The following PNMA2 variants were observed in gnomAD, a reference collection of about 807,000 sequenced individuals.
The protein encoded by PNMA2 is PNMA family member 2.
For synonymous variants in PNMA2, 175 were observed against 183.5 expected (o/e 0.95, Z 0.38); for missense variants, 455 against 452.9 (o/e 1.00, Z -0.04).
chr8:26,508,648 C>T lies in PNMA2; in HGVS notation c.108G>A (p.Gln36=), dbSNP rs1019809417. ...IPADFEEAEI[Q]EVLQETLKSL... ...ACTTTAAAGTCTCCTGAAGGACCTC[C>T]TGAATCTCAGCCTCCTCAAAGTCCG... Residue 36 remains glutamine, a synonymous_variant, in exon 3 of 3, where the codon CAG becomes CAA. Transcript: ENST00000522362. This position sits in a 1 kb window ranked among gnomAD's most constrained non-coding sequence, Gnocchi z 5.5. The T allele has an allele frequency of 6.2e-7, 1 of 1,614,206 alleles. No individual in the cohort carries two copies. The highest frequency in any genetic ancestry group is 1.3e-5 in the African/African-American group (1 of 75,052).
In PNMA2 at chr8:26,508,214, A is replaced by G. The variant is rs1297614270; in HGVS notation, c.542T>C (p.Phe181Ser). Residue 181 changes from phenylalanine (F) to serine (S), a missense_variant, in exon 3 of 3, where the codon TTT becomes TCT. Transcript: ENST00000522362. This position sits in a 1 kb window ranked among gnomAD's most constrained non-coding sequence, Gnocchi z 5.5. ...CGTGGCCTGTTCCAACCAGACCTCA[A>G]AGGACTCTTCCTCTGGGGCTGGGAC... ...SAVPAPEEES[F>S]EVWLEQATEI... 3.1e-6 allele frequency: 5 copies of G among 1,610,298 alleles called. No homozygotes were observed. In the East Asian group the frequency reaches 1.1e-4, roughly 36 times the overall value.
At chr8:26,511,203 G>T (rs1300255131) in intron 1 of PNMA2, among the ~76,000 whole-genome samples, 2 of 151,100 alleles carry the variant, frequency 1.3e-5, no homozygotes, top group African/African-American at 4.9e-5. Context: ...AGTTACTGCT[G>T]CGGAGTGTGT....
Position 26,507,819 on chromosome 8 carries a change from T to A in PNMA2, c.937A>T (p.Arg313Trp). The A allele has an allele frequency of 6.2e-7, 1 of 1,613,790 alleles. No homozygotes were observed. The highest frequency in any genetic ancestry group is 1.1e-5 in the South Asian group (1 of 91,030). Reference sequence around the variant, plus strand: ...GGCGGGCCCTGATCCTTCAGCTCCCTAAGCCGGCACCACAGCATCTGGTTA... The same window carrying A: ...GGCGGGCCCTGATCCTTCAGCTCCCAAAGCCGGCACCACAGCATCTGGTTA... ...TLNQMLWCRL[R>W]ELKDQGPPPS... Residue 313 changes from arginine (R) to tryptophan (W), a missense_variant, in exon 3 of 3, where the codon AGG becomes TGG. Physicochemically the swap from Arg to Trp is moderately radical, Grantham distance 101 (BLOSUM62 -3). Coordinates refer to ENST00000522362, the MANE Select transcript of PNMA2 (RefSeq NM_007257.6).
Position 26,506,373 on chromosome 8 carries a change from C to A in PNMA2, c.*1288G>T, listed in dbSNP as rs1200187554. 6.6e-5 allele frequency: 10 copies of A among 152,300 alleles called. No homozygotes were observed. Among genetic ancestry groups the A allele is most frequent in the Non-Finnish European group, 1.5e-4 (10 of 68,100 alleles). 9.4% of individuals were successfully genotyped at this position (152,300 alleles called of 1,614,324 possible). On this transcript the variant is annotated 3_prime_UTR_variant, in exon 3 of 3. Coordinates refer to ENST00000522362, the MANE Select transcript of PNMA2 (RefSeq NM_007257.6). The surrounding 1 kb of genome is among the most constrained non-coding windows in gnomAD (Gnocchi z 4.4). ...CCACTAAAAGCCTTCTCTAAGCAAA[C>A]CAGCCTGCTCACTAAATCCAAACCT...
chr8:26,513,752 G>C (rs1292658234), intron 1 of PNMA2, 64 bp downstream of exon 1: 1 of 152,746 alleles, frequency 6.5e-6, no homozygotes, highest in Non-Finnish European at 1.5e-5. Flanking sequence ...GTGGAGGAGA[G>C]GGGCACTGGG....
chr8:26,512,946 C>T (rs1338856861), intron 1 of PNMA2: 1 of 152,274 alleles, frequency 6.6e-6, no homozygotes, highest in Non-Finnish European at 1.5e-5. Flanking sequence ...TCCTACTCCG[C>T]ACCAGATGCG....
chr8:26,510,309 C>G (rs1585479314), intron 1 of PNMA2, among the ~76,000 whole-genome samples: 1 of 152,364 alleles, frequency 6.6e-6, no homozygotes, highest in East Asian at 1.9e-4. Context: ...CACCATACTT[C>G]TTGTACAGCC....
At chr8:26,511,006 T>G (rs893059708) in intron 1 of PNMA2, among the ~76,000 whole-genome samples, 3 of 152,008 alleles carry the variant, frequency 2.0e-5, no homozygotes, top group African/African-American at 7.2e-5. Context: ...ACAAAAATTA[T>G]CTGGGTGTGG....
chr8:26,507,881 T>A lies in PNMA2; in HGVS notation c.875A>T (p.Gln292Leu). 1 of 1,614,210 alleles carries A rather than the reference T, an allele frequency of 6.2e-7. No homozygotes were observed. Among genetic ancestry groups the A allele is most frequent in the Non-Finnish European group, 8.5e-7 (1 of 1,180,034 alleles). The change falls in exon 3 of 3, where the codon CAG becomes CTG. Residue 292 changes from glutamine to leucine, a missense_variant. Coordinates refer to ENST00000522362, the MANE Select transcript of PNMA2 (RefSeq NM_007257.6). ...KRAIPRRIADQVRLEQVMAGA... is the reference protein window; with the variant it reads ...KRAIPRRIADLVRLEQVMAGA... ...AGCCATGACCTGCTCCAGGCGGACC[T>A]GGTCCGCAATACGCCGAGGGATGGC...
In PNMA2 at chr8:26,509,026, C is replaced by A; in HGVS notation, c.-271G>T. On this transcript the variant is annotated 5_prime_UTR_variant, in exon 3 of 3. Transcript: ENST00000522362. The surrounding 1 kb of genome is among the most constrained non-coding windows in gnomAD (Gnocchi z 5.7). ...TCTCAGTTCTAACCACACCTGTGCC[C>A]GCAGCTCTGAAGTCCGATTGCCAGT... 1 of 676,994 alleles carries A rather than the reference C, an allele frequency of 1.5e-6. No homozygotes were observed. The highest frequency in any genetic ancestry group is 2.1e-6 in the Non-Finnish European group (1 of 477,174). 41.9% of individuals were successfully genotyped at this position (676,994 alleles called of 1,614,324 possible). A position where few individuals can be genotyped will look rare whatever the true frequency, so the allele number is the denominator to read the frequency against.
Position 26,505,426 on chromosome 8 carries a change from C to T in PNMA2, c.*2235G>A, listed in dbSNP as rs1302409023. 1 of 155,418 alleles carries T rather than the reference C, an allele frequency of 6.4e-6. No homozygotes were observed. Among genetic ancestry groups the T allele is most frequent in the Admixed American group, 6.5e-5 (1 of 15,348 alleles). The allele number at this position is 155,418 out of a possible 1,614,324, so 9.6% of individuals were successfully genotyped here. On this transcript the variant is annotated 3_prime_UTR_variant, in exon 3 of 3. Transcript: ENST00000522362. The stretch of plus-strand genomic sequence containing the variant: ...CTAGCACATATAACTAAATGGTGCT[C>T]ATCTGCACTGCACTCACACACTTAC...
intron 1 of PNMA2, among the ~76,000 whole-genome samples, chr8:26,512,617 G>A (rs1808180648): frequency 6.6e-6 from 1 of 152,100 alleles, no homozygotes; most frequent in African/African-American, 2.4e-5. Flanking sequence ...ACCCACCCTG[G>A]TTACTGAGCA....
In PNMA2 at chr8:26,506,975, A is replaced by G. The variant is rs1392316078; in HGVS notation, c.*686T>C. 2.6e-5 allele frequency: 4 copies of G among 152,230 alleles called. No homozygotes were observed. The East Asian group carries it at 7.7e-4, about 29-fold the overall frequency. The allele number at this position is 152,230 out of a possible 1,614,324, so 9.4% of individuals were successfully genotyped here. On this transcript the variant is annotated 3_prime_UTR_variant, in exon 3 of 3. Transcript: ENST00000522362. This position sits in a 1 kb window ranked among gnomAD's most constrained non-coding sequence, Gnocchi z 4.4. ...GACTGCCAATTCTTTCTTCTATGGTATGGGCCAATTCTGGTCTATTTGGGA... is the reference window on the plus strand; with the variant it reads ...GACTGCCAATTCTTTCTTCTATGGTGTGGGCCAATTCTGGTCTATTTGGGA...
Position 26,507,885 on chromosome 8 carries a change from C to A in PNMA2, c.871G>T (p.Asp291Tyr). ...ATGACCTGCTCCAGGCGGACCTGGTCCGCAATACGCCGAGGGATGGCGCGT... is the reference window on the plus strand; with the variant it reads ...ATGACCTGCTCCAGGCGGACCTGGTACGCAATACGCCGAGGGATGGCGCGT... ...EKRAIPRRIA[D>Y]QVRLEQVMAG... The change falls in exon 3 of 3, where the codon GAC (aspartate) becomes TAC (tyrosine). Residue 291 changes from aspartate to tyrosine, a missense_variant. By Grantham distance (160) the Asp-to-Tyr change is radical. Coordinates refer to ENST00000522362, the MANE Select transcript of PNMA2 (RefSeq NM_007257.6). 1.9e-6 allele frequency: 3 copies of A among 1,614,200 alleles called. No individual in the cohort carries two copies. The highest frequency in any genetic ancestry group is 2.5e-6 in the Non-Finnish European group (3 of 1,180,038).
At chr8:26,513,388 G>GCCCCCCCCCCCCCCCCCCCCCCCCCCCC (rs148272306) in intron 1 of PNMA2, among the ~76,000 whole-genome samples, 1 of 141,050 alleles carries the variant, frequency 7.1e-6, no homozygotes, top group Non-Finnish European at 1.5e-5. Context: ...CATGTTGTGT[G>GCCCCCCCCCCCCCCCCCCCCCCCCCCCC]CCCCCCCCCC....
rs139161754 is a variant in PNMA2, at chr8:26,508,233, C to A, written c.523G>T (p.Ala175Ser). The A allele has an allele frequency of 1.2e-5, 20 of 1,605,786 alleles. No homozygotes were observed. The highest frequency in any genetic ancestry group is 1.7e-5 in the Non-Finnish European group (20 of 1,175,736). Residue 175 changes from alanine to serine, a missense_variant, in exon 3 of 3, where the codon GCC becomes TCC. Physicochemically the swap from Ala to Ser is moderately conservative, Grantham distance 99. Transcript: ENST00000522362. The surrounding 1 kb of genome is among the most constrained non-coding windows in gnomAD (Gnocchi z 5.5). The part of the protein sequence containing the change: ...LRVFSGSAVP[A>S]PEEESFEVWL... ...ACCTCAAAGGACTCTTCCTCTGGGG[C>A]TGGGACAGCACTCCCTGAGAATACT...
Position 26,507,833 on chromosome 8 carries a change from A to G in PNMA2, c.923T>C (p.Leu308Pro), listed in dbSNP as rs1374080796. The change falls in exon 3 of 3, where the codon CTG (leucine) becomes CCG (proline). Residue 308 changes from leucine to proline, a missense_variant. By Grantham distance (98) the Leu-to-Pro change is moderately conservative. Transcript: ENST00000522362. ...CTTCAGCTCCCTAAGCCGGCACCACAGCATCTGGTTAAGAGTGGCCCCAGC... is the reference window on the plus strand; with the variant it reads ...CTTCAGCTCCCTAAGCCGGCACCACGGCATCTGGTTAAGAGTGGCCCCAGC... ...VMAGATLNQM[L>P]WCRLRELKDQ... 2 of 1,613,812 alleles carry G rather than the reference A, an allele frequency of 1.2e-6. No homozygotes were observed. The highest frequency in any genetic ancestry group is 2.2e-5 in the South Asian group (2 of 91,034).
Position 26,508,710 on chromosome 8 carries a change from C to G in PNMA2, c.46G>C (p.Asp16His), listed in dbSNP as rs1305840875. ...LEDWCRIMSV[D>H]EQKSLMVTGI... ...GTAACCATCAGTGACTTCTGCTCAT[C>G]CACACTCATTATCCTGCACCAGTCC... Residue 16 changes from aspartate (D) to histidine (H), a missense_variant, in exon 3 of 3, where the codon GAT (aspartate) becomes CAT (histidine). Physicochemically the swap from Asp to His is moderately conservative, Grantham distance 81 (BLOSUM62 -1). Coordinates refer to ENST00000522362, the MANE Select transcript of PNMA2 (RefSeq NM_007257.6). This position sits in a 1 kb window ranked among gnomAD's most constrained non-coding sequence, Gnocchi z 5.5. 1 of 1,614,078 alleles carries G rather than the reference C, an allele frequency of 6.2e-7. No homozygotes were observed. The highest frequency in any genetic ancestry group is 1.1e-5 in the South Asian group (1 of 91,040).
At chr8:26,511,055 G>C (rs1401641492) in intron 1 of PNMA2, among the ~76,000 whole-genome samples, 3 of 151,424 alleles carry the variant, frequency 2.0e-5, no homozygotes, top group African/African-American at 7.3e-5. Context: ...GGGAGGCTGA[G>C]GCAGGAGAAT....
Sources: allele counts gnomAD v4.1 joint callset (sites outside exome capture counted in the v4.1 genomes callset), GRCh38; gene constraint gnomAD v4.1.1; non-coding constraint Gnocchi (gnomAD v3.1); transcripts MANE v1.5; gene names NCBI Gene and HGNC (gene_info 2026-07-23, HGNC 2026-07-21).